Variants in DARS1 observed in about 807,000 individuals in gnomAD.
DARS1 encodes the protein aspartyl-tRNA synthetase 1, also known as aspartate--tRNA ligase, cytoplasmic.
Under a neutral mutation model 68.8 loss-of-function variants are expected in DARS1, and 51 were observed. The observed-to-expected ratio is 0.74, with a 90% confidence interval of 0.59 to 0.94. The LOEUF (loss-of-function observed/expected upper bound fraction) is 0.94, where lower values mean the gene tolerates loss of function less well. Ranked by LOEUF, DARS1 falls within the 40% of genes least tolerant of loss-of-function variation. DARS1 has a pLI of 0.00. For synonymous variants in DARS1, 203 were observed against 190.4 expected (o/e 1.07, Z -0.55); for missense variants, 607 against 597.3 (o/e 1.02, Z -0.17).
rs556190624 is a variant in DARS1, at chr2:135,907,981, G to C, written c.1415-574C>G. Among the ~76,000 whole-genome samples the C allele has an allele frequency of 4.1e-4, 62 of 152,228 alleles. 1 individual carries two copies. The highest frequency in any genetic ancestry group is 2.8e-3 in the Admixed American group (43 of 15,292). ...CTCCTTTCAATTGATTCTATGTAGA[G>C]ATGTAAAAAGAATGAAAAAGCTCTT... On this transcript the variant is annotated intron_variant, in intron 15 of 15. Coordinates refer to ENST00000264161, the MANE Select transcript of DARS1 (RefSeq NM_001349.4).
At chr2:135,977,286 G>A (rs929618367) in intron 3 of DARS1, among the ~76,000 whole-genome samples, 4 of 152,096 alleles carry the variant, frequency 2.6e-5, no homozygotes, top group East Asian at 1.9e-4. Flanking sequence ...TGCAATTTGC[G>A]TAGAGTAAAC....
At chr2:135,977,580 G>C (rs1682528652) in intron 3 of DARS1, among the ~76,000 whole-genome samples, 1 of 152,168 alleles carries the variant, frequency 6.6e-6, no homozygotes, top group South Asian at 2.1e-4. Context: ...ACGAGTAAAT[G>C]AAGGATTATA....
At chr2:135,945,787 C>T (rs1681708169) in intron 4 of DARS1, among the ~76,000 whole-genome samples, 1 of 152,186 alleles carries the variant, frequency 6.6e-6, no homozygotes, top group South Asian at 2.1e-4. Context: ...TTATAAATTT[C>T]TGCAATTACA....
Position 135,925,294 on chromosome 2 carries a change from A to T in DARS1, c.565-796T>A, listed in dbSNP as rs534815761. ...TTAGGTCCTGGCTTATTATATTTTT[A>T]AAAAATAGCTATCCTATGACTAGGT... On this transcript the variant is annotated intron_variant, in intron 7 of 15. Coordinates refer to ENST00000264161, the MANE Select transcript of DARS1 (RefSeq NM_001349.4). Among the ~76,000 whole-genome samples, 15 of 152,312 alleles carry T rather than the reference A, an allele frequency of 9.8e-5. No individual in the cohort carries two copies. The East Asian group carries it at 2.1e-3, about 22-fold the overall frequency.
rs1441719377 is a variant in DARS1 at position 135,932,790 on chromosome 2, T to G, written c.557A>C (p.Asp186Ala). 1 of 1,285,324 alleles carries G rather than the reference T, an allele frequency of 7.8e-7. No individual in the cohort carries two copies. Among genetic ancestry groups the G allele is most frequent in the Admixed American group, 1.7e-5 (1 of 57,814 alleles). The allele number at this position is 1,285,324 out of a possible 1,614,324, so 79.6% of individuals were successfully genotyped here. Residue 186 changes from aspartate (D) to alanine (A), a missense_variant, in exon 7 of 16, where the codon GAT becomes GCT. Coordinates refer to ENST00000264161, the MANE Select transcript of DARS1 (RefSeq NM_001349.4). ...TAAATAAATGAGGCATACCCTAAGA[T>G]CAATGACTCTGTTGTCTAATCTTGT... The part of the protein sequence containing the change: ...QDTRLDNRVI[D>A]LRTSTSQAVF...
intron 10 of DARS1, 49 bp downstream of exon 10, chr2:135,920,397 TAAAGGGC>T: frequency 1.3e-6 from 2 of 1,498,132 alleles, no homozygotes; most frequent in Admixed American, 2.4e-5. Flanking sequence ...ATTTTTTTTT[TAAAGGGC>T]CCAAACATTT....
intron 3 of DARS1, among the ~76,000 whole-genome samples, chr2:135,971,490 A>C (rs1454920684): frequency 6.6e-6 from 1 of 152,216 alleles, no homozygotes; most frequent in Non-Finnish European, 1.5e-5. Flanking sequence ...TATTGTACTG[A>C]ATGAGGAAAA....
intron 5 of DARS1, 26 bp downstream of exon 5, chr2:135,943,352 C>A: frequency 6.3e-7 from 1 of 1,599,960 alleles, no homozygotes; most frequent in African/African-American, 1.3e-5. Flanking sequence ...TTTCTATATG[C>A]GATTTTATAT....
rs774264117 is a variant in DARS1, at chr2:135,912,508, G to C, written c.1208C>G (p.Thr403Ser). ...KYPLAVRPFY[T>S]MPDPRNPKQS... is the part of the protein sequence containing the mutation. ...TACGGGATTTCTTGGGTCAGGCATGGTATAGAAAGGTCTTACAGCCAATGG... is the reference window on the plus strand; with the variant it reads ...TACGGGATTTCTTGGGTCAGGCATGCTATAGAAAGGTCTTACAGCCAATGG... The change falls in exon 13 of 16, where the codon ACC becomes AGC. Residue 403 changes from threonine to serine, a missense_variant. Thr to Ser is a moderately conservative substitution (Grantham distance 58, BLOSUM62 1). Transcript: ENST00000264161. 2 of 1,122,826 alleles carry C rather than the reference G, an allele frequency of 1.8e-6. No individual in the cohort carries two copies. The highest frequency in any genetic ancestry group is 2.7e-6 in the Non-Finnish European group (2 of 747,602). The allele number at this position is 1,122,826 out of a possible 1,614,324, so 69.6% of individuals were successfully genotyped here. A position where few individuals can be genotyped will look rare whatever the true frequency, so the allele number is the denominator to read the frequency against.
At chr2:135,911,895 T>A (rs890043657) in intron 13 of DARS1, among the ~76,000 whole-genome samples, 1 of 152,202 alleles carries the variant, frequency 6.6e-6, no homozygotes, top group African/African-American at 2.4e-5. Context: ...AATAAACCAG[T>A]GGTTCCCAAA....
rs77516029 is a variant in DARS1 at position 135,953,258 on chromosome 2, T to C, written c.320+8138A>G. Among the ~76,000 whole-genome samples the C allele has an allele frequency of 7.7e-3, 1,166 of 152,334 alleles. 99 individuals are homozygous for C. In the East Asian group the frequency reaches 0.2, roughly 25 times the overall value. ...GAGCAATTCTAGGAAAGGACTTTAG[T>C]TGGTACAAGTGTCTAACAAAGCGCC... On this transcript the variant is annotated intron_variant, in intron 4 of 15. Coordinates refer to ENST00000264161, the MANE Select transcript of DARS1 (RefSeq NM_001349.4).
At chr2:135,983,374 T>C (rs746701467) in intron 2 of DARS1, 23 bp downstream of exon 2, 2 of 900,148 alleles carry the variant, frequency 2.2e-6, no homozygotes, top group South Asian at 2.8e-5. Context: ...AAAAGCTTTA[T>C]TTACTGTCAC....
chr2:135,976,497 C>T (rs1408768363), intron 3 of DARS1, among the ~76,000 whole-genome samples: 1 of 152,054 alleles, frequency 6.6e-6, no homozygotes, highest in East Asian at 1.9e-4. Context: ...TCTCCCTATC[C>T]ACCCACCATG....
chr2:135,951,028 GT>G (rs1681828310), intron 4 of DARS1, among the ~76,000 whole-genome samples: 1 of 151,920 alleles, frequency 6.6e-6, no homozygotes, highest in African/African-American at 2.4e-5. Context: ...AAGACTAGAA[GT>G]CTTGATGAGG....
chr2:135,914,463 T>A lies in DARS1; in HGVS notation c.1149+6A>T, dbSNP rs776347279. 2.3e-6 allele frequency: 3 copies of A among 1,290,250 alleles called. No homozygotes were observed. The Admixed American group carries it at 5.0e-5, about 22-fold the overall frequency. 79.9% of individuals were successfully genotyped at this position (1,290,250 alleles called of 1,614,324 possible). A position where few individuals can be genotyped will look rare whatever the true frequency, so the allele number is the denominator to read the frequency against. The stretch of plus-strand genomic sequence containing the variant: ...AAAAAGAAATCCAGCATATAAAGAG[T>A]CCTACCTTTTCCTTTACCAAATGAC... On this transcript the variant is annotated splice_donor_region_variant and intron_variant, in intron 12 of 15. Transcript: ENST00000264161.
chr2:135,935,389 G>A (rs1309624430), intron 5 of DARS1, among the ~76,000 whole-genome samples: 1 of 151,750 alleles, frequency 6.6e-6, no homozygotes, highest in East Asian at 2.0e-4. Context: ...GAGGTCAGGA[G>A]ATCGAGACCA....
chr2:135,960,141 A>G (rs1682068882), intron 4 of DARS1, among the ~76,000 whole-genome samples: 1 of 152,202 alleles, frequency 6.6e-6, no homozygotes, highest in South Asian at 2.1e-4. Flanking sequence ...AGACGAAACA[A>G]GCAAACCTAA....
intron 10 of DARS1, 113 bp from the exon 11 acceptor site, chr2:135,916,485 A>G (rs1681008964): frequency 2.0e-6 from 1 of 500,704 alleles, no homozygotes; most frequent in East Asian, 3.0e-5. Flanking sequence ...TACACCAGGA[A>G]AAGCATTATC....
At chr2:135,928,627 C>A (rs1050086976) in intron 7 of DARS1, among the ~76,000 whole-genome samples, 8 of 149,286 alleles carry the variant, frequency 5.4e-5, no homozygotes, top group African/African-American at 2.0e-4. Context: ...GGATTACAGG[C>A]ATGAGCCACC....
Sources: gnomAD v4.1 joint callset for allele counts (sites outside exome capture counted in the v4.1 genomes callset) on GRCh38, gnomAD v4.1.1 for gene constraint, MANE v1.5 for transcripts, NCBI Gene and HGNC (gene_info 2026-07-23, HGNC 2026-07-21) for gene names.